Variants in AK8 observed in about 807,000 individuals in gnomAD.
AK8 encodes adenylate kinase 8, also known as ATP-AMP transphosphorylase 8.
Under a neutral mutation model 54.6 loss-of-function variants are expected in AK8, and 44 were observed. That is an observed-to-expected ratio of 0.81 (90% CI 0.63 to 1.04). The LOEUF is 1.04. Ranked by LOEUF, AK8 falls within the 50% of genes least tolerant of loss-of-function variation. The pLI, the probability that AK8 is intolerant of heterozygous loss-of-function variation, is 0.00. For synonymous variants in AK8, 239 were observed against 245.6 expected (o/e 0.97, Z 0.25); for missense variants, 555 against 613.6 (o/e 0.90, Z 1.01).
At position 132,740,402 on chromosome 9, in the gene AK8, ACT is replaced by A. The variant is rs61641220; in HGVS notation, c.1122-12870_1122-12869del. On this transcript the variant is annotated intron_variant, in intron 11 of 12. Coordinates refer to ENST00000298545, the MANE Select transcript of AK8 (RefSeq NM_152572.3). ...AAAGAGGCAGAGACTTGAACCCAGGACTGTCTGCTCCCAAGTTCGTGCCCATA... is the reference window on the plus strand; with the variant it reads ...AAAGAGGCAGAGACTTGAACCCAGGAGTCTGCTCCCAAGTTCGTGCCCATA... 2.5e-3 allele frequency among the ~76,000 whole-genome samples: 378 copies of A among 152,314 alleles called. 5 individuals carry two copies. In the Middle Eastern group the frequency reaches 0.034, roughly 14 times the overall value.
rs1224237573 is a variant in AK8, at chr9:132,878,202, C to G, written c.54G>C (p.Gly18=). The G allele has an allele frequency of 1.4e-6, 2 of 1,480,844 alleles. No individual in the cohort carries two copies. Among genetic ancestry groups the G allele is most frequent in the Admixed American group, 4.7e-5 (2 of 42,440 alleles). 91.7% of individuals were successfully genotyped at this position (1,480,844 alleles called of 1,614,324 possible). ...TCAACTCGAAGATGTGGTTCTCCTC[C>G]CCGTACTGGGGCATCTCGGGGGGGA... ...HRIPPEMPQY[G]EENHIFELMQ... is the part of the protein sequence containing the mutation. Residue 18 remains glycine (G), a synonymous_variant, in exon 1 of 13, where the codon GGG becomes GGC. Transcript: ENST00000298545. The surrounding 1 kb of genome is among the most constrained non-coding windows in gnomAD (Gnocchi z 4.7).
chr9:132,840,956 C>T (rs1405292755), intron 5 of AK8, among the ~76,000 whole-genome samples: 1 of 152,088 alleles, frequency 6.6e-6, no homozygotes. Flanking sequence ...AAGTAGCAGA[C>T]TTCTACTCAT....
intron 11 of AK8, among the ~76,000 whole-genome samples, chr9:132,788,194 A>T (rs1839796014): frequency 6.6e-6 from 1 of 152,206 alleles, no homozygotes; most frequent in Admixed American, 6.5e-5. Context: ...CAGGAAAATC[A>T]AAAAGAAAGG....
intron 5 of AK8, among the ~76,000 whole-genome samples, chr9:132,839,828 G>GGC (rs961697042): frequency 1.4e-5 from 2 of 147,414 alleles, no homozygotes; most frequent in Non-Finnish European, 3.0e-5. Flanking sequence ...GCCGGGGGGG[G>GGC]GGGCGCAGGG....
chr9:132,744,832 G>A (rs1187067280), intron 11 of AK8, among the ~76,000 whole-genome samples: 1 of 152,206 alleles, frequency 6.6e-6, no homozygotes, highest in Admixed American at 6.5e-5. Context: ...TGCCCGCCAT[G>A]AAATATTCAT....
At chr9:132,737,378 A>T (rs1274930779) in intron 11 of AK8, among the ~76,000 whole-genome samples, 1 of 152,230 alleles carries the variant, frequency 6.6e-6, no homozygotes, top group Non-Finnish European at 1.5e-5. Context: ...AGGAAGGAAT[A>T]CTGATTTTAT....
At chr9:132,854,010 G>A (rs1257383155) in intron 5 of AK8, among the ~76,000 whole-genome samples, 1 of 151,992 alleles carries the variant, frequency 6.6e-6, no homozygotes, top group Middle Eastern at 3.2e-3. Context: ...TAACCAGCCT[G>A]GGCAACATAG....
chr9:132,804,199 A>G (rs1361093297), intron 10 of AK8, among the ~76,000 whole-genome samples: 3 of 151,840 alleles, frequency 2.0e-5, no homozygotes, highest in Non-Finnish European at 4.4e-5. Context: ...CAGGCAGCAG[A>G]GGGCAGCATC....
chr9:132,818,970 A>T (rs1841456926), intron 9 of AK8, among the ~76,000 whole-genome samples: 1 of 152,236 alleles, frequency 6.6e-6, no homozygotes, highest in South Asian at 2.1e-4. Flanking sequence ...AAATCATAAG[A>T]AAGTTAGAGA....
chr9:132,857,500 CT>C (rs1843217884), intron 4 of AK8, among the ~76,000 whole-genome samples: 1 of 152,134 alleles, frequency 6.6e-6, no homozygotes, highest in South Asian at 2.1e-4. Context: ...AGCCCTGTCC[CT>C]TCCCTCTGCA....
At chr9:132,788,727 T>A (rs772453402) in intron 11 of AK8, among the ~76,000 whole-genome samples, 3 of 152,148 alleles carry the variant, frequency 2.0e-5, no homozygotes, top group Non-Finnish European at 4.4e-5. Flanking sequence ...ATCAAATTGT[T>A]AACAAGCTAC....
At chr9:132,854,399 G>T (rs1564440329) in intron 5 of AK8, among the ~76,000 whole-genome samples, 1 of 152,042 alleles carries the variant, frequency 6.6e-6, no homozygotes, top group Non-Finnish European at 1.5e-5. Context: ...CCCTCCTTGT[G>T]CCCCAGGAGG....
intron 11 of AK8, among the ~76,000 whole-genome samples, chr9:132,763,211 G>A (rs1310209562): frequency 6.6e-6 from 1 of 152,130 alleles, no homozygotes; most frequent in Non-Finnish European, 1.5e-5. Context: ...GCTTTTGGGG[G>A]AAAGTCACAA....
chr9:132,838,852 G>T (rs1027442219), intron 5 of AK8, among the ~76,000 whole-genome samples: 2 of 152,158 alleles, frequency 1.3e-5, no homozygotes, highest in Non-Finnish European at 1.5e-5. Flanking sequence ...AGTCATGCAG[G>T]TTCAATGGGA....
At chr9:132,844,168 G>A (rs1842647623) in intron 5 of AK8, among the ~76,000 whole-genome samples, 1 of 151,956 alleles carries the variant, frequency 6.6e-6, no homozygotes, top group Admixed American at 6.6e-5. Flanking sequence ...CCCTAACAAT[G>A]GCTAATGGGT....
intron 11 of AK8, among the ~76,000 whole-genome samples, chr9:132,741,625 G>C (rs1837397250): frequency 1.3e-5 from 2 of 152,224 alleles, no homozygotes; most frequent in Non-Finnish European, 2.9e-5. Context: ...TGAGGGTCTT[G>C]AGCCCTAGTT....
At chr9:132,773,039 C>G (rs1043516125) in intron 11 of AK8, among the ~76,000 whole-genome samples, 1 of 152,160 alleles carries the variant, frequency 6.6e-6, no homozygotes, top group African/African-American at 2.4e-5. Flanking sequence ...TTTGCTCAAG[C>G]CCCACACAGT....
intron 5 of AK8, among the ~76,000 whole-genome samples, chr9:132,853,293 G>A (rs1336761622): frequency 6.6e-6 from 1 of 150,898 alleles, no homozygotes; most frequent in Non-Finnish European, 1.5e-5. Context: ...GGGAGGTGGA[G>A]GTTGCAGTGA....
At chr9:132,726,245 A>C (rs375857) in intron 12 of AK8, among the ~76,000 whole-genome samples, 18,464 of 113,792 alleles carry the variant, frequency 0.16, 3,421 homozygotes, top group African/African-American at 0.46. Context: ...CTTCCTTCCT[A>C]TCTCCCCTCC....
Sources: gnomAD v4.1 joint callset for allele counts (sites outside exome capture counted in the v4.1 genomes callset) on GRCh38, gnomAD v4.1.1 for gene constraint, Gnocchi (gnomAD v3.1) non-coding constraint, MANE v1.5 for transcripts, NCBI Gene and HGNC (gene_info 2026-07-23, HGNC 2026-07-21) for gene names.